PCED1B: variants seen among roughly 807,000 people sequenced by gnomAD.
The protein encoded by PCED1B is PC-esterase domain-containing protein 1B.
For missense variants in PCED1B, 573 were observed against 573.9 expected, an observed-to-expected ratio of 1.00 and a Z score of 0.02; for synonymous variants, 251 against 246.1, an observed-to-expected ratio of 1.02 and a Z score of -0.19.
intron 2 of PCED1B, among the ~76,000 whole-genome samples, chr12:47,155,155 A>C (rs1337840166): frequency 6.6e-6 from 1 of 152,218 alleles, no homozygotes; most frequent in Non-Finnish European, 1.5e-5. Context: ...CTTTTCTGTC[A>C]GAGATTTATT....
At chr12:47,083,471 G>A (rs1256953208) in intron 1 of PCED1B, among the ~76,000 whole-genome samples, 2 of 152,072 alleles carry the variant, frequency 1.3e-5, no homozygotes, top group Non-Finnish European at 2.9e-5. Flanking sequence ...TTTTTACAGT[G>A]TAACTTAGCT....
At chr12:47,132,082 G>A (rs1220854637) in intron 2 of PCED1B, among the ~76,000 whole-genome samples, 2 of 152,162 alleles carry the variant, frequency 1.3e-5, no homozygotes, top group East Asian at 3.8e-4. Context: ...GCATCGAGTG[G>A]AAACATTGTG....
intron 1 of PCED1B, among the ~76,000 whole-genome samples, chr12:47,096,421 A>G (rs1938485816): frequency 6.7e-6 from 1 of 148,560 alleles, no homozygotes; most frequent in Admixed American, 6.7e-5. Context: ...TATAATACAC[A>G]TTATATATTA....
intron 2 of PCED1B, among the ~76,000 whole-genome samples, chr12:47,136,714 T>C (rs1219887552): frequency 6.6e-6 from 1 of 152,222 alleles, no homozygotes; most frequent in Non-Finnish European, 1.5e-5. Context: ...TAGGCAAATA[T>C]TTAAGTATAA....
At chr12:47,178,312 G>C (rs1343725810) in intron 2 of PCED1B, among the ~76,000 whole-genome samples, 1 of 152,122 alleles carries the variant, frequency 6.6e-6, no homozygotes, top group Non-Finnish European at 1.5e-5. Flanking sequence ...GATGCCATGT[G>C]CTGACTGCAT....
At chr12:47,193,750 A>G (rs925695209) in intron 2 of PCED1B, among the ~76,000 whole-genome samples, 4 of 152,248 alleles carry the variant, frequency 2.6e-5, no homozygotes, top group African/African-American at 4.8e-5. Flanking sequence ...CCTATAAATC[A>G]TATGAGGCAA....
At chr12:47,091,343 G>T (rs936342932) in intron 1 of PCED1B, among the ~76,000 whole-genome samples, 3 of 151,882 alleles carry the variant, frequency 2.0e-5, no homozygotes, top group African/African-American at 7.3e-5. Flanking sequence ...TCTTTTATGA[G>T]ACTTTTGCCC....
In PCED1B at chr12:47,093,577, T is replaced by G. The variant is rs567770113; in HGVS notation, c.-608-10536T>G. On this transcript the variant is annotated intron_variant, in intron 1 of 3. Coordinates refer to ENST00000546455, the MANE Select transcript of PCED1B (RefSeq NM_138371.3). ...GCTTTTTCCTTTCTAATATGGAATA[T>G]AAGACTATATATTTCCTTCTAAGCA... Among the ~76,000 whole-genome samples the G allele has an allele frequency of 3.9e-5, 6 of 152,150 alleles. No individual in the cohort carries two copies. The South Asian group carries it at 1.0e-3, about 26-fold the overall frequency.
At chr12:47,124,230 A>G (rs541863631) in intron 2 of PCED1B, among the ~76,000 whole-genome samples, 2 of 151,990 alleles carry the variant, frequency 1.3e-5, no homozygotes, top group African/African-American at 4.8e-5. Context: ...ACCACTATAG[A>G]TTAGTTTTAA....
In PCED1B at chr12:47,234,977, C is replaced by G. The variant is rs1486172530; in HGVS notation, c.-57-30C>G. ...TGGGCGCTCCGCCCAGAGGTGAGTCCCTCCCAGCCCTTCTCTCCTTCTGTC... is the reference window on the plus strand; with the variant it reads ...TGGGCGCTCCGCCCAGAGGTGAGTCGCTCCCAGCCCTTCTCTCCTTCTGTC... On this transcript the variant is annotated intron_variant, in intron 3 of 3. Transcript: ENST00000546455. 1.0e-5 allele frequency: 13 copies of G among 1,299,100 alleles called. No individual in the cohort carries two copies. The East Asian group carries it at 2.9e-4, about 29-fold the overall frequency. 80.5% of individuals were successfully genotyped at this position (1,299,100 alleles called of 1,614,324 possible). A position where few individuals can be genotyped will look rare whatever the true frequency, so the allele number is the denominator to read the frequency against.
In PCED1B at chr12:47,216,641, C is replaced by T. The variant is rs531457350; in HGVS notation, c.-106C>T. The T allele has an allele frequency of 1.2e-4, 19 of 152,324 alleles. No homozygotes were observed. In the East Asian group the frequency reaches 2.5e-3, roughly 20 times the overall value. The allele number at this position is 152,324 out of a possible 1,614,324, so 9.4% of individuals were successfully genotyped here. On this transcript the variant is annotated 5_prime_UTR_variant, in exon 3 of 4. Coordinates refer to ENST00000546455, the MANE Select transcript of PCED1B (RefSeq NM_138371.3). ...GAAGAAAGCTATCTAGGGACGAGAT[C>T]TAGAATCAACTGAGAGAGATGCTTA...
intron 2 of PCED1B, among the ~76,000 whole-genome samples, chr12:47,145,886 G>A (rs1197805827): frequency 6.6e-6 from 1 of 152,198 alleles, no homozygotes; most frequent in African/African-American, 2.4e-5. Context: ...GGATCAAGGA[G>A]TAATTTCAAC....
At chr12:47,149,385 G>GC (rs1319731670) in intron 2 of PCED1B, among the ~76,000 whole-genome samples, 4 of 152,158 alleles carry the variant, frequency 2.6e-5, no homozygotes, top group Non-Finnish European at 5.9e-5. Context: ...GAGAAGCAGC[G>GC]CAATAGTTGC....
chr12:47,167,465 G>T (rs375439769), intron 2 of PCED1B, among the ~76,000 whole-genome samples: 2 of 152,152 alleles, frequency 1.3e-5, no homozygotes, highest in African/African-American at 4.8e-5. Context: ...ACCTACCTGT[G>T]ATTGGGCTAA....
chr12:47,207,667 C>T (rs563019869), intron 2 of PCED1B, among the ~76,000 whole-genome samples: 1 of 152,328 alleles, frequency 6.6e-6, no homozygotes, highest in African/African-American at 2.4e-5. Context: ...ATCTTCCTTA[C>T]ACAAATATGT....
intron 2 of PCED1B, among the ~76,000 whole-genome samples, chr12:47,202,124 G>A (rs888971324): frequency 1.2e-4 from 19 of 152,166 alleles, no homozygotes; most frequent in Admixed American, 7.9e-4. Flanking sequence ...GGATACTTAT[G>A]AAGCATTCAG....
chr12:47,155,325 C>A (rs779986735), intron 2 of PCED1B, among the ~76,000 whole-genome samples: 1 of 152,178 alleles, frequency 6.6e-6, no homozygotes, highest in Non-Finnish European at 1.5e-5. Flanking sequence ...AGAAAAGTCA[C>A]TGCCAATTAA....
At chr12:47,080,971 C>A (rs1937682311) in intron 1 of PCED1B, among the ~76,000 whole-genome samples, 1 of 152,112 alleles carries the variant, frequency 6.6e-6, no homozygotes. Context: ...ATGCCGCGGC[C>A]GACCAGCGCG....
At chr12:47,190,824 C>A (rs1445383058) in intron 2 of PCED1B, among the ~76,000 whole-genome samples, 2 of 152,098 alleles carry the variant, frequency 1.3e-5, no homozygotes, top group African/African-American at 2.4e-5. Context: ...CCTCTCAAAC[C>A]CCACCTGTCT....
Sources: allele counts gnomAD v4.1 joint callset (sites outside exome capture counted in the v4.1 genomes callset), GRCh38; gene constraint gnomAD v4.1.1; transcripts MANE v1.5; gene names NCBI Gene and HGNC (gene_info 2026-07-23, HGNC 2026-07-21).